The following LOXHD1 variants were observed in gnomAD, a reference collection of about 807,000 sequenced individuals.
LOXHD1 encodes the protein lipoxygenase homology PLAT domains 1, also known as lipoxygenase homology domain-containing protein 1.
LOXHD1 carries 205 observed loss-of-function variants against 248.2 expected under a neutral mutation model. That is an observed-to-expected ratio of 0.83 (90% CI 0.74 to 0.93). The LOEUF (loss-of-function observed/expected upper bound fraction) is 0.93, where lower values mean the gene tolerates loss of function less well. Ranked by LOEUF, LOXHD1 falls within the 40% of genes least tolerant of loss-of-function variation. The probability of loss-of-function intolerance (pLI) is 0.00; values close to 1 mark genes in which losing one functional copy is unlikely to be tolerated. For missense variants in LOXHD1, 2,930 were observed against 2,971.6 expected (o/e 0.99, Z 0.33); for synonymous variants, 1,113 against 1,162.8 (o/e 0.96, Z 0.87).
chr18:46,533,469 C>A, intron 27 of LOXHD1, 145 bp from the exon 28 acceptor site: 1 of 794,680 alleles, frequency 1.3e-6, no homozygotes. Context: ...GAGCCCCTTG[C>A]CCCAATTTCA....
At chr18:46,532,834 G>A (rs189483309) in intron 28 of LOXHD1, among the ~76,000 whole-genome samples, 1 of 152,336 alleles carries the variant, frequency 6.6e-6, no homozygotes, top group African/African-American at 2.4e-5. Flanking sequence ...ATGAATAGTA[G>A]GGAGAAAACA....
At position 46,600,618 on chromosome 18, in the gene LOXHD1, AGG is replaced by A. The variant is rs1202730594; in HGVS notation, c.1134+597_1134+598del. ...TGTCCAAAAAAAAAGGAAGGAAGGA[AGG>A]AAGGAAGGGAGGGAGGGAGGGACAA... On this transcript the variant is annotated intron_variant, in intron 8 of 40. Transcript: ENST00000642948. Among the ~76,000 whole-genome samples, 7 of 140,334 alleles carry A rather than the reference AGG, an allele frequency of 5.0e-5. No homozygotes were observed. In the East Asian group the frequency reaches 1.8e-3, roughly 35 times the overall value. 92.1% of individuals were successfully genotyped at this position (140,334 alleles called of 152,430 possible).
intron 21 of LOXHD1, chr18:46,555,237 T>C (rs76028724): frequency 2.1e-6 from 1 of 468,042 alleles, no homozygotes; most frequent in Non-Finnish European, 4.4e-6. Context: ...TCAGAACATC[T>C]TAAGAAGTTA....
At chr18:46,512,990 T>C (rs751192296) in intron 34 of LOXHD1, among the ~76,000 whole-genome samples, 27 of 152,096 alleles carry the variant, frequency 1.8e-4, no homozygotes, top group Non-Finnish European at 3.4e-4. Flanking sequence ...ATCCAGGTGA[T>C]ATAAAAGCCT....
Position 46,489,110 on chromosome 18 carries a change from C to T in LOXHD1, c.5911G>A (p.Asp1971Asn), listed in dbSNP as rs727504544. 22 of 1,551,538 alleles carry T rather than the reference C, an allele frequency of 1.4e-5. No homozygotes were observed. The highest frequency in any genetic ancestry group is 5.9e-5 in the Admixed American group (3 of 50,970). ...IFPGWHLSYV[D>N]VKDNSRDETF... ...TCGTCGCGGGAGTTGTCCTTCACAT[C>T]GACATAGCTCAGATGCCAGCCAGGA... is the stretch of plus-strand genomic sequence containing the variant. Residue 1971 changes from aspartate to asparagine, a missense_variant, in exon 38 of 41, where the codon GAT (aspartate) becomes AAT (asparagine). Coordinates refer to ENST00000642948, the MANE Select transcript of LOXHD1 (RefSeq NM_001384474.1).
intron 5 of LOXHD1, among the ~76,000 whole-genome samples, chr18:46,616,138 A>G (rs966181035): frequency 6.6e-6 from 1 of 152,154 alleles, no homozygotes; most frequent in African/African-American, 2.4e-5. Context: ...CATCTTTTAA[A>G]TGCTGACTCT....
rs1329507434 is a variant in LOXHD1, at chr18:46,524,691, T to C, written c.4740+17A>G. ...GGCATGAGGATGGCCACAGGCCCTA[T>C]ATACCCCTTGGCTCACCTTCTCGTA... On this transcript the variant is annotated intron_variant, in intron 30 of 40. Coordinates refer to ENST00000642948, the MANE Select transcript of LOXHD1 (RefSeq NM_001384474.1). 1.1e-5 allele frequency: 17 copies of C among 1,551,566 alleles called. No individual in the cohort carries two copies. Among genetic ancestry groups the C allele is most frequent in the Admixed American group, 3.9e-5 (2 of 50,988 alleles).
chr18:46,486,863 GA>G (rs1171282442), intron 38 of LOXHD1, among the ~76,000 whole-genome samples: 1 of 152,212 alleles, frequency 6.6e-6, no homozygotes, highest in African/African-American at 2.4e-5. Context: ...CATTTAGGTA[GA>G]TTAGAAACAC....
chr18:46,522,710 G>A (rs1049332471), intron 31 of LOXHD1, among the ~76,000 whole-genome samples: 3 of 152,172 alleles, frequency 2.0e-5, no homozygotes, highest in Admixed American at 6.5e-5. Flanking sequence ...CAAAAGCAAG[G>A]TCTCATAGAA....
chr18:46,572,652 C>A (rs2037775565), intron 14 of LOXHD1, among the ~76,000 whole-genome samples: 2 of 152,134 alleles, frequency 1.3e-5, no homozygotes, highest in Non-Finnish European at 2.9e-5. Context: ...AAAACAAGCA[C>A]CTCTTTTTCT....
At chr18:46,566,011 T>C (rs2037632357) in intron 17 of LOXHD1, among the ~76,000 whole-genome samples, 1 of 152,248 alleles carries the variant, frequency 6.6e-6, no homozygotes, top group African/African-American at 2.4e-5. Flanking sequence ...AGTCATTTGC[T>C]GCCTTTATTC....
intron 34 of LOXHD1, among the ~76,000 whole-genome samples, chr18:46,515,012 G>C (rs2035172559): frequency 6.6e-6 from 1 of 152,152 alleles, no homozygotes; most frequent in Non-Finnish European, 1.5e-5. Flanking sequence ...GCATCTCATG[G>C]GAGTTAATTT....
intron 37 of LOXHD1, among the ~76,000 whole-genome samples, chr18:46,494,059 C>A (rs1165324280): frequency 6.6e-6 from 1 of 152,210 alleles, no homozygotes; most frequent in African/African-American, 2.4e-5. Flanking sequence ...TTAGACCTCA[C>A]TTCCTCTGCA....
chr18:46,523,305 C>T (rs984971307), intron 31 of LOXHD1, among the ~76,000 whole-genome samples: 5 of 151,996 alleles, frequency 3.3e-5, no homozygotes, highest in Non-Finnish European at 7.4e-5. Flanking sequence ...TTTTCCTTAC[C>T]CTTCCATTCA....
intron 4 of LOXHD1, among the ~76,000 whole-genome samples, chr18:46,621,785 G>T (rs1240509173): frequency 6.6e-6 from 1 of 152,172 alleles, no homozygotes; most frequent in Non-Finnish European, 1.5e-5. Context: ...CAGGGAAATA[G>T]GGAGAAAGAT....
intron 6 of LOXHD1, among the ~76,000 whole-genome samples, chr18:46,606,364 G>T (rs1045654819): frequency 6.8e-6 from 1 of 147,098 alleles, no homozygotes; most frequent in African/African-American, 2.5e-5. Flanking sequence ...ACACACACAG[G>T]TTGAACATCC....
At chr18:46,546,753 G>T in intron 22 of LOXHD1, 142 bp downstream of exon 22, 1 of 937,220 alleles carries the variant, frequency 1.1e-6, no homozygotes, top group Non-Finnish European at 1.6e-6. Flanking sequence ...TGCCACAGAG[G>T]AATGAGAGGG....
chr18:46,610,469 C>A (rs1219376065), intron 6 of LOXHD1, among the ~76,000 whole-genome samples: 1 of 151,970 alleles, frequency 6.6e-6, no homozygotes, highest in Non-Finnish European at 1.5e-5. Flanking sequence ...TTGATGGGTG[C>A]AGCAAACCAA....
At chr18:46,537,088 C>T (rs1004471946) in intron 26 of LOXHD1, among the ~76,000 whole-genome samples, 1 of 152,230 alleles carries the variant, frequency 6.6e-6, no homozygotes, top group Non-Finnish European at 1.5e-5. Context: ...GCTAGGAATG[C>T]CTTTCCTCCT....
Sources: allele counts gnomAD v4.1 joint callset (sites outside exome capture counted in the v4.1 genomes callset), GRCh38; gene constraint gnomAD v4.1.1; transcripts MANE v1.5; gene names NCBI Gene and HGNC (gene_info 2026-07-23, HGNC 2026-07-21).